DAB1: variants seen among roughly 807,000 people sequenced by gnomAD.
The protein encoded by DAB1 is DAB adaptor protein 1, also known as disabled homolog 1.
Under a neutral mutation model 64.6 loss-of-function variants are expected in DAB1, and 15 were observed. The observed-to-expected ratio is 0.23, with a 90% CI of 0.16 to 0.36. DAB1 has a LOEUF of 0.36. Ranked by LOEUF, DAB1 falls within the 10% of genes least tolerant of loss-of-function variation. DAB1 has a pLI of 1.00. For synonymous variants in DAB1, 235 were observed against 251.9 expected (o/e 0.93, Z 0.64); for missense variants, 596 against 706.7 (o/e 0.84, Z 1.78).
intron 7 of DAB1, among the ~76,000 whole-genome samples, chr1:57,615,100 G>A (rs1189706845): frequency 6.6e-6 from 1 of 151,818 alleles, no homozygotes; most frequent in Non-Finnish European, 1.5e-5. Flanking sequence ...TTGATCTCCT[G>A]ACCTCATGAT....
At chr1:58,315,586 A>G (rs1196816873) in intron 4 of DAB1, among the ~76,000 whole-genome samples, 1 of 152,216 alleles carries the variant, frequency 6.6e-6, no homozygotes, top group Non-Finnish European at 1.5e-5. Context: ...TCATGGTTCT[A>G]TCTTGGGTAA....
At chr1:57,050,126 G>T (rs568523603) in intron 9 of DAB1, among the ~76,000 whole-genome samples, 2 of 152,172 alleles carry the variant, frequency 1.3e-5, no homozygotes, top group Admixed American at 6.5e-5. Context: ...CCCTTGTTTG[G>T]TTTTTCCGCT....
rs552822501 is a variant in DAB1 at position 57,721,973 on chromosome 1, C to T, written n.552-72308G>A. ...TCCAAGGCAGGATTTTAAACCAGAG[C>T]TATTTTATACCTTAGCCCACTCTCT... On this transcript the variant is annotated intron_variant and non_coding_transcript_variant, in intron 6 of 20. Coordinates refer to the DAB1 transcript ENST00000485760. Among the ~76,000 whole-genome samples, 6 of 152,264 alleles carry T rather than the reference C, an allele frequency of 3.9e-5. No homozygotes were observed. In the East Asian group the frequency reaches 1.2e-3, roughly 29 times the overall value.
chr1:57,468,489 G>C (rs888509943), intron 7 of DAB1, among the ~76,000 whole-genome samples: 10 of 152,166 alleles, frequency 6.6e-5, no homozygotes, highest in African/African-American at 1.9e-4. Context: ...ATAGAATTTT[G>C]AGGGAAATAG....
chr1:57,370,205 G>A lies in DAB1; in HGVS notation c.-137+53725C>T, dbSNP rs1570388959. On this transcript the variant is annotated intron_variant, in intron 1 of 14. Transcript: ENST00000371236. ...CCTGAGGGCAGCGGCCATGTATGCT[G>A]ACTGCTGTCTTTTAACTCAACACAG... Among the ~76,000 whole-genome samples the A allele has an allele frequency of 2.6e-5, 4 of 152,288 alleles. 1 individual carries two copies. In the South Asian group the frequency reaches 8.3e-4, roughly 32 times the overall value.
At chr1:58,167,669 A>T (rs1378403872) in intron 4 of DAB1, among the ~76,000 whole-genome samples, 7 of 152,178 alleles carry the variant, frequency 4.6e-5, no homozygotes, top group African/African-American at 1.7e-4. Flanking sequence ...CATTACTTTT[A>T]TGAGCTGTAA....
chr1:58,269,440 G>A (rs1167047788), intron 4 of DAB1, among the ~76,000 whole-genome samples: 1 of 150,160 alleles, frequency 6.7e-6, no homozygotes, highest in Non-Finnish European at 1.5e-5. Flanking sequence ...TTGGTTCCAA[G>A]TCTTTGCTAT....
Position 57,493,498 on chromosome 1 carries a change from A to G in DAB1, n.625+156094T>C, listed in dbSNP as rs183813507. Among the ~76,000 whole-genome samples the G allele has an allele frequency of 5.3e-5, 8 of 152,326 alleles. No homozygotes were observed. The South Asian group carries it at 8.3e-4, about 16-fold the overall frequency. ...CCTTTTAAAGGCAGTATAGTATTCC[A>G]TTATATGAATGTATCACTTTTGTTA... On this transcript the variant is annotated intron_variant and non_coding_transcript_variant, in intron 7 of 20. Coordinates refer to the DAB1 transcript ENST00000485760.
intron 3 of DAB1, among the ~76,000 whole-genome samples, chr1:58,470,687 T>G (rs2100329290): frequency 6.6e-6 from 1 of 152,266 alleles, no homozygotes; most frequent in Admixed American, 6.5e-5. Context: ...CCAGAACACG[T>G]TTATGATATA....
intron 1 of DAB1, among the ~76,000 whole-genome samples, chr1:57,341,733 TAA>T (rs1677604184): frequency 6.6e-6 from 1 of 152,146 alleles, no homozygotes; most frequent in African/African-American, 2.4e-5. Flanking sequence ...TCCCAAACAT[TAA>T]GAGTACACAG....
rs1457719739 is a variant in DAB1, at chr1:57,458,409, T to C, written n.626-167243A>G. On this transcript the variant is annotated intron_variant and non_coding_transcript_variant, in intron 7 of 20. Transcript: ENST00000485760. The stretch of plus-strand genomic sequence containing the variant: ...GGCAAATAGGTCAAACTTAAATTAT[T>C]GAATGTGTGATAGCAACAGGTAAAT... Among the ~76,000 whole-genome samples, 170 of 152,018 alleles carry C rather than the reference T, an allele frequency of 1.1e-3. 2 individuals are homozygous for C. Among genetic ancestry groups the C allele is most frequent in the Non-Finnish European group, 1.8e-4 (12 of 67,922 alleles).
chr1:57,316,408 TC>T (rs1391205541), intron 1 of DAB1, among the ~76,000 whole-genome samples: 2 of 152,068 alleles, frequency 1.3e-5, no homozygotes, highest in African/African-American at 4.8e-5. Flanking sequence ...CCATCCACCT[TC>T]CCCCTCAAAT....
intron 3 of DAB1, among the ~76,000 whole-genome samples, chr1:58,472,129 T>A (rs955421078): frequency 7.2e-5 from 11 of 152,204 alleles, no homozygotes; most frequent in Non-Finnish European, 1.3e-4. Flanking sequence ...TTTTCCCACT[T>A]AGGACTTCTG....
At chr1:57,958,310 C>T (rs544131519) in intron 5 of DAB1, among the ~76,000 whole-genome samples, 2 of 152,298 alleles carry the variant, frequency 1.3e-5, no homozygotes, top group East Asian at 3.9e-4. Flanking sequence ...TTTAATCTAG[C>T]TGTGATACAC....
At chr1:57,365,778 T>C (rs994554933) in intron 1 of DAB1, among the ~76,000 whole-genome samples, 1 of 152,314 alleles carries the variant, frequency 6.6e-6, no homozygotes, top group African/African-American at 2.4e-5. Flanking sequence ...AGAGATTGTG[T>C]CTTGCTAGAG....
intron 4 of DAB1, among the ~76,000 whole-genome samples, chr1:58,341,265 C>G (rs965099584): frequency 2.0e-5 from 3 of 152,118 alleles, no homozygotes; most frequent in African/African-American, 7.2e-5. Flanking sequence ...AAAAAGAAAG[C>G]ATTTCAGAGG....
rs1043121127 is a variant in DAB1, at chr1:57,023,592, G to A, written c.834C>T (p.Thr278=). Residue 278 remains threonine (T), a synonymous_variant, in exon 11 of 15, where the codon ACC becomes ACT. Transcript: ENST00000371236. ...TAAACACATCTGCACTCGCTGGAAGGGTCTGAGATGAAGATGGGATAAAGG... is the reference window on the plus strand; with the variant it reads ...TAAACACATCTGCACTCGCTGGAAGAGTCTGAGATGAAGATGGGATAAAGG... ...GDAFIPSSSQ[T]LPASADVFSS... The A allele has an allele frequency of 9.3e-6, 15 of 1,612,544 alleles. No individual in the cohort carries two copies. In the African/African-American group the frequency reaches 1.7e-4, roughly 19 times the overall value.
At chr1:58,296,257 G>A (rs1452437724) in intron 4 of DAB1, among the ~76,000 whole-genome samples, 6 of 138,870 alleles carry the variant, frequency 4.3e-5, no homozygotes, top group African/African-American at 1.6e-4. Flanking sequence ...AAGAAAGAAA[G>A]AAAGAAAAGT....
chr1:57,160,313 C>A (rs1660628543), intron 2 of DAB1, among the ~76,000 whole-genome samples: 1 of 152,150 alleles, frequency 6.6e-6, no homozygotes, highest in Non-Finnish European at 1.5e-5. Context: ...GCATGACATG[C>A]ATTATTAATC....
Sources: allele counts gnomAD v4.1 joint callset (sites outside exome capture counted in the v4.1 genomes callset), GRCh38; gene constraint gnomAD v4.1.1; transcripts MANE v1.5; gene names NCBI Gene and HGNC (gene_info 2026-07-23, HGNC 2026-07-21).